The following SLMAP variants were observed in gnomAD, a reference collection of about 807,000 sequenced individuals.
SLMAP encodes sarcolemma associated protein, also known as sarcolemmal membrane-associated protein.
A neutral mutation model predicts 128.8 loss-of-function variants in SLMAP; 44 were observed. That is an observed-to-expected ratio of 0.34 (90% CI 0.27 to 0.44). The LOEUF (loss-of-function observed/expected upper bound fraction) is 0.44, where lower values mean the gene tolerates loss of function less well. Ranked by LOEUF, SLMAP falls within the 20% of genes least tolerant of loss-of-function variation. The pLI, the probability that SLMAP is intolerant of heterozygous loss-of-function variation, is 1.00. For synonymous variants in SLMAP, 327 were observed against 348.8 expected, an observed-to-expected ratio of 0.94 and a Z score of 0.70; for missense variants, 787 against 985.3, an observed-to-expected ratio of 0.80 and a Z score of 2.69.
chr3:57,855,869 C>T (rs918257278), intron 6 of SLMAP, among the ~76,000 whole-genome samples: 3 of 151,862 alleles, frequency 2.0e-5, no homozygotes, highest in South Asian at 2.1e-4. Context: ...CATGGTAAAA[C>T]GCCGTCTCTA....
chr3:57,775,467 A>T (rs2081671705), intron 2 of SLMAP, among the ~76,000 whole-genome samples: 1 of 146,658 alleles, frequency 6.8e-6, no homozygotes, highest in African/African-American at 2.5e-5. Flanking sequence ...GAGCCCAGGA[A>T]TTCAAGACCA....
intron 15 of SLMAP, 143 bp from the exon 16 acceptor site, chr3:57,896,368 A>G (rs1039082768): frequency 7.2e-7 from 1 of 1,385,498 alleles, no homozygotes; most frequent in Non-Finnish European, 9.3e-7. Context: ...AGGGTGGTGA[A>G]GAAGTAAGAG....
At chr3:57,898,317 T>G (rs538051240) in intron 17 of SLMAP, 3 of 152,314 alleles carry the variant, frequency 2.0e-5, no homozygotes, top group African/African-American at 7.2e-5. Flanking sequence ...TGAAAGAATG[T>G]CAGACCCTAT....
chr3:57,809,232 C>G (rs1047885202), intron 2 of SLMAP, among the ~76,000 whole-genome samples: 9 of 152,228 alleles, frequency 5.9e-5, no homozygotes, highest in Non-Finnish European at 1.3e-4. Flanking sequence ...CATCCCTGCA[C>G]TCTTGGGGGC....
chr3:57,845,490 T>C (rs1378824793), intron 4 of SLMAP, among the ~76,000 whole-genome samples: 2 of 152,204 alleles, frequency 1.3e-5, no homozygotes, highest in Non-Finnish European at 2.9e-5. Context: ...TCACATCTAA[T>C]CAGTTTTTCA....
rs1017404534 is a variant in SLMAP, at chr3:57,921,030, G to A, written c.2311-1859G>A. Among the ~76,000 whole-genome samples the A allele has an allele frequency of 3.3e-5, 5 of 151,380 alleles. No individual in the cohort carries two copies. The East Asian group carries it at 9.8e-4, about 30-fold the overall frequency. ...AGACTCAGTCTAAAAAAAAAAAAGA[G>A]GGATGGCAGAGTGGGGTAGTGGAAG... is the stretch of plus-strand genomic sequence containing the variant. On this transcript the variant is annotated intron_variant, in intron 22 of 24. Coordinates refer to ENST00000671191, the MANE Select transcript of SLMAP (RefSeq NM_001377540.1).
At chr3:57,857,590 A>C (rs2094857018) in intron 6 of SLMAP, 143 bp from the exon 7 acceptor site, 1 of 619,678 alleles carries the variant, frequency 1.6e-6, no homozygotes. Flanking sequence ...TATGTTTTAC[A>C]AAGTACTATC....
At chr3:57,903,851 G>T (rs753030162) in intron 17 of SLMAP, among the ~76,000 whole-genome samples, 1 of 152,022 alleles carries the variant, frequency 6.6e-6, no homozygotes. Context: ...TCATCTAAAC[G>T]CTTTTCCACC....
At chr3:57,805,654 A>G (rs1475782320) in intron 2 of SLMAP, among the ~76,000 whole-genome samples, 1 of 152,210 alleles carries the variant, frequency 6.6e-6, no homozygotes, top group Admixed American at 6.5e-5. Context: ...TGAATGAAAT[A>G]TCAGTTTGAT....
At chr3:57,818,612 C>T (rs564024220) in intron 2 of SLMAP, among the ~76,000 whole-genome samples, 1 of 152,148 alleles carries the variant, frequency 6.6e-6, no homozygotes. Flanking sequence ...TTATGTGGTA[C>T]CCTTTTGTCA....
intron 2 of SLMAP, among the ~76,000 whole-genome samples, chr3:57,804,083 A>G (rs1195782657): frequency 6.6e-6 from 1 of 152,196 alleles, no homozygotes; most frequent in African/African-American, 2.4e-5. Context: ...TGATTTTTTA[A>G]TTTGACAGAT....
At chr3:57,925,093 T>G (rs2096981302) in intron 23 of SLMAP, among the ~76,000 whole-genome samples, 1 of 151,780 alleles carries the variant, frequency 6.6e-6, no homozygotes, top group Non-Finnish European at 1.5e-5. Flanking sequence ...TAGCTGGAAT[T>G]ACAGATGTGT....
At chr3:57,802,272 C>A (rs2088677544) in intron 2 of SLMAP, among the ~76,000 whole-genome samples, 1 of 151,308 alleles carries the variant, frequency 6.6e-6, no homozygotes, top group Non-Finnish European at 1.5e-5. Flanking sequence ...CTAATCTGCT[C>A]TTTGTGTGCT....
chr3:57,885,025 G>T (rs2095842867), intron 14 of SLMAP, among the ~76,000 whole-genome samples: 2 of 149,986 alleles, frequency 1.3e-5, no homozygotes, highest in South Asian at 4.2e-4. Flanking sequence ...AACACACACA[G>T]AAAAATGTGA....
intron 2 of SLMAP, among the ~76,000 whole-genome samples, chr3:57,827,882 C>T (rs777908893): frequency 5.9e-5 from 9 of 152,190 alleles, no homozygotes; most frequent in Non-Finnish European, 1.0e-4. Context: ...AGTAATATAT[C>T]TACTTGCTGG....
intron 2 of SLMAP, 128 bp from the exon 3 acceptor site, chr3:57,831,254 TG>T: frequency 5.7e-6 from 3 of 522,562 alleles, no homozygotes; most frequent in Non-Finnish European, 9.5e-6. Context: ...CTGAAATGAG[TG>T]GTTTGAATTA....
chr3:57,910,743 A>G (rs145809012), intron 19 of SLMAP, among the ~76,000 whole-genome samples: 1 of 152,308 alleles, frequency 6.6e-6, no homozygotes, highest in East Asian at 1.9e-4. Context: ...AAGTAAAATT[A>G]ATTTGCCTTC....
At chr3:57,813,713 ACT>A (rs2091405661) in intron 2 of SLMAP, among the ~76,000 whole-genome samples, 1 of 152,232 alleles carries the variant, frequency 6.6e-6, no homozygotes, top group South Asian at 2.1e-4. Flanking sequence ...TGTTAATGCA[ACT>A]ACTACATCAT....
chr3:57,859,776 A>G (rs893667381), intron 8 of SLMAP, among the ~76,000 whole-genome samples: 10 of 152,304 alleles, frequency 6.6e-5, no homozygotes, highest in Non-Finnish European at 1.2e-4. Flanking sequence ...CTACTCAGGT[A>G]ATGAGTGCAC....
Sources: gnomAD v4.1 joint callset for allele counts (sites outside exome capture counted in the v4.1 genomes callset) on GRCh38, gnomAD v4.1.1 for gene constraint, MANE v1.5 for transcripts, NCBI Gene and HGNC (gene_info 2026-07-23, HGNC 2026-07-21) for gene names.